The following ZNF791 variants were observed in gnomAD, a reference collection of about 807,000 sequenced individuals.
ZNF791 encodes the protein zinc finger protein 791.
ZNF791 carries 4 observed loss-of-function variants against 11.5 expected under a neutral mutation model. That is an observed-to-expected ratio of 0.35 (90% CI 0.17 to 0.80). The LOEUF (loss-of-function observed/expected upper bound fraction) is 0.80. Ranked by LOEUF, ZNF791 falls within the 30% of genes least tolerant of loss-of-function variation. The pLI is 0.53. For missense variants in ZNF791, 559 were observed against 699.4 expected, an observed-to-expected ratio of 0.80 and a Z score of 2.26; for synonymous variants, 212 against 228.1, an observed-to-expected ratio of 0.93 and a Z score of 0.64.
intron 1 of ZNF791, among the ~76,000 whole-genome samples, chr19:12,619,899 CTTTATTTATTTATTTATTTTTAT>C (rs2023311000): frequency 3.4e-5 from 5 of 148,634 alleles, no homozygotes; most frequent in Middle Eastern, 3.4e-3. Flanking sequence ...TATATGAAAT[CTTTATTTATTTATTTATTTTTAT>C]TTTATTTATT....
At position 12,629,427 on chromosome 19, in the gene ZNF791, T is replaced by C. The variant is rs2023472177; in HGVS notation, c.*167T>C. 1.9e-6 allele frequency: 1 copy of C among 526,806 alleles called. No individual in the cohort carries two copies. The highest frequency in any genetic ancestry group is 4.4e-5 in the South Asian group (1 of 22,742). The allele number at this position is 526,806 out of a possible 1,614,324, so 32.6% of individuals were successfully genotyped here. ...CAGGTACCACATAATCATGTTTCAG[T>C]CAGCAATGGACCATATAGGTTGGTA... On this transcript the variant is annotated 3_prime_UTR_variant, in exon 4 of 4. Transcript: ENST00000343325.
chr19:12,623,639 T>C, intron 1 of ZNF791, 61 bp from the exon 2 acceptor site: 2 of 1,603,190 alleles, frequency 1.2e-6, no homozygotes, highest in South Asian at 1.1e-5. Context: ...TTCTTATGAA[T>C]TGAGGATACC....
At position 12,628,041 on chromosome 19, in the gene ZNF791, A is replaced by G; in HGVS notation, c.512A>G (p.Tyr171Cys). The G allele has an allele frequency of 1.2e-6, 2 of 1,612,986 alleles. No individual in the cohort carries two copies. The highest frequency in any genetic ancestry group is 1.1e-5 in the South Asian group (1 of 90,904). The change falls in exon 4 of 4, where the codon TAT becomes TGT. Residue 171 changes from tyrosine (Y) to cysteine (C), a missense_variant. Physicochemically the swap from Tyr to Cys is radical, Grantham distance 194. Transcript: ENST00000343325. ...KCKQCGKTFI[Y>C]HQPFQRHERT... ...AAACAATGTGGAAAAACCTTCATAT[A>G]TCACCAGCCCTTTCAAAGACATGAG...
rs1051123494 is a variant in ZNF791, at chr19:12,632,483, CTTT to C, written c.*3226_*3228del. On this transcript the variant is annotated 3_prime_UTR_variant, in exon 4 of 4. Coordinates refer to ENST00000343325, the MANE Select transcript of ZNF791 (RefSeq NM_153358.3). ...TTATTTCACCTTTTCCGAAAAACTG[CTTT>C]TTAAATTTCTTGGCCAGACACGGTG... is the stretch of plus-strand genomic sequence containing the variant. 1.9e-4 allele frequency: 29 copies of C among 152,106 alleles called. No individual in the cohort carries two copies. Among genetic ancestry groups the C allele is most frequent in the African/African-American group, 6.7e-4 (28 of 41,504 alleles). 9.4% of individuals were successfully genotyped at this position (152,106 alleles called of 1,614,324 possible). A position where few individuals can be genotyped will look rare whatever the true frequency, so the allele number is the denominator to read the frequency against.
At position 12,628,979 on chromosome 19, in the gene ZNF791, C is replaced by T. The variant is rs1389721011; in HGVS notation, c.1450C>T (p.Arg484Trp). ...GKAFSCSSYI[R>W]IHKRTHTGEK... Reference sequence around the variant, plus strand: ...AGCCTTTAGTTGTTCTAGTTACATTCGGATACATAAAAGAACTCACACTGG... The same window carrying T: ...AGCCTTTAGTTGTTCTAGTTACATTTGGATACATAAAAGAACTCACACTGG... The change falls in exon 4 of 4, where the codon CGG becomes TGG. Residue 484 changes from arginine to tryptophan, a missense_variant. Transcript: ENST00000343325. 2.5e-6 allele frequency: 4 copies of T among 1,613,918 alleles called. No homozygotes were observed. The highest frequency in any genetic ancestry group is 2.2e-5 in the East Asian group (1 of 44,866).
At chr19:12,627,696 T>C in intron 3 of ZNF791, 25 bp from the exon 4 acceptor site, 1 of 1,572,492 alleles carries the variant, frequency 6.4e-7, no homozygotes. Flanking sequence ...ACAACCAGTA[T>C]TACCGTGCTT....
In ZNF791 at chr19:12,629,289, A is replaced by T. The variant is rs79706280; in HGVS notation, c.*29A>T. 6,153 of 1,414,142 alleles carry T rather than the reference A, an allele frequency of 4.4e-3. 181 individuals carry two copies. The East Asian group carries it at 0.069, about 16-fold the overall frequency. 87.6% of individuals were successfully genotyped at this position (1,414,142 alleles called of 1,614,324 possible). A position where few individuals can be genotyped will look rare whatever the true frequency, so the allele number is the denominator to read the frequency against. The stretch of plus-strand genomic sequence containing the variant: ...CTCTATAAATGTGAGAAATAGGAGA[A>T]AGTTTTCAATTCTAACAGATGCTTT... On this transcript the variant is annotated 3_prime_UTR_variant, in exon 4 of 4. Coordinates refer to ENST00000343325, the MANE Select transcript of ZNF791 (RefSeq NM_153358.3).
chr19:12,614,821 C>G (rs2023215566), intron 1 of ZNF791, among the ~76,000 whole-genome samples: 1 of 147,636 alleles, frequency 6.8e-6, no homozygotes, highest in Non-Finnish European at 1.5e-5. Flanking sequence ...CTTGAGCTCC[C>G]CACCTAGGTG....
chr19:12,623,387 A>C, intron 1 of ZNF791: 2 of 300,954 alleles, frequency 6.6e-6, no homozygotes, highest in Non-Finnish European at 1.3e-5. Context: ...CCTAGGTAGC[A>C]GAGCGAGACC....
In ZNF791 at chr19:12,629,495, G is replaced by A. The variant is rs74931289; in HGVS notation, c.*235G>A. 4,848 of 342,720 alleles carry A rather than the reference G, an allele frequency of 0.014. 309 individuals are homozygous for A. The East Asian group carries it at 0.15, about 11-fold the overall frequency. The allele number at this position is 342,720 out of a possible 1,614,324, so 21.2% of individuals were successfully genotyped here. ...AACACCTAAAACATTTCTATCAACC[G>A]CAATTTAGTAGCAGTAGTAACACCA... On this transcript the variant is annotated 3_prime_UTR_variant, in exon 4 of 4. Transcript: ENST00000343325.
At chr19:12,622,041 C>CTGTG (rs938136598) in intron 1 of ZNF791, among the ~76,000 whole-genome samples, 13 of 136,518 alleles carry the variant, frequency 9.5e-5, no homozygotes, top group African/African-American at 3.4e-4. Context: ...TCCTGTTGAT[C>CTGTG]TGTGACCTTA....
chr19:12,611,324 C>T (rs1188123290), intron 1 of ZNF791, among the ~76,000 whole-genome samples: 1 of 152,214 alleles, frequency 6.6e-6, no homozygotes, highest in Non-Finnish European at 1.5e-5. Flanking sequence ...GGGAGAATCC[C>T]GCCTTGTGTG....
intron 1 of ZNF791, among the ~76,000 whole-genome samples, chr19:12,621,831 G>C (rs961274573): frequency 7.2e-6 from 1 of 139,366 alleles, no homozygotes; most frequent in African/African-American, 2.7e-5. Context: ...GCCTCTGCCC[G>C]GCCACCACCC....
In ZNF791 at chr19:12,626,157, C is replaced by T. The variant is rs559603430; in HGVS notation, c.191+1447C>T. Among the ~76,000 whole-genome samples the T allele has an allele frequency of 5.9e-5, 9 of 152,336 alleles. No homozygotes were observed. The South Asian group carries it at 1.0e-3, about 18-fold the overall frequency. On this transcript the variant is annotated intron_variant, in intron 3 of 3. Coordinates refer to ENST00000343325, the MANE Select transcript of ZNF791 (RefSeq NM_153358.3). ...TCCGCCTCCCAGGTAGCTGGGATTACAGGCATGCATCACCATGCCCGGCTA... is the reference window on the plus strand; with the variant it reads ...TCCGCCTCCCAGGTAGCTGGGATTATAGGCATGCATCACCATGCCCGGCTA...
intron 1 of ZNF791, among the ~76,000 whole-genome samples, chr19:12,619,195 G>A (rs1019766890): frequency 2.0e-5 from 3 of 152,042 alleles, no homozygotes; most frequent in Non-Finnish European, 4.4e-5. Context: ...CAGGCTATCC[G>A]TTCCAATGGT....
intron 1 of ZNF791, among the ~76,000 whole-genome samples, chr19:12,618,694 C>T (rs1023887162): frequency 2.7e-5 from 4 of 149,454 alleles, no homozygotes; most frequent in Non-Finnish European, 5.9e-5. Context: ...ACCCGGGAGG[C>T]GGAGGCTGCA....
intron 1 of ZNF791, among the ~76,000 whole-genome samples, chr19:12,615,474 C>T (rs1331893797): frequency 6.6e-6 from 1 of 151,988 alleles, no homozygotes; most frequent in Non-Finnish European, 1.5e-5. Context: ...TATCGTTGAA[C>T]AATATTTCAT....
Position 12,628,970 on chromosome 19 carries a change from A to G in ZNF791, c.1441A>G (p.Ser481Gly). 3 of 1,614,088 alleles carry G rather than the reference A, an allele frequency of 1.9e-6. No homozygotes were observed. The highest frequency in any genetic ancestry group is 1.1e-5 in the South Asian group (1 of 91,034). Residue 481 changes from serine to glycine, a missense_variant, in exon 4 of 4, where the codon AGT (serine) becomes GGT (glycine). Physicochemically the swap from Ser to Gly is moderately conservative, Grantham distance 56. Coordinates refer to ENST00000343325, the MANE Select transcript of ZNF791 (RefSeq NM_153358.3). ...KQCGKAFSCS[S>G]YIRIHKRTHT... is the part of the protein sequence containing the mutation. ...ATGTGGAAAAGCCTTTAGTTGTTCT[A>G]GTTACATTCGGATACATAAAAGAAC...
intron 1 of ZNF791, among the ~76,000 whole-genome samples, 168 bp downstream of exon 1, chr19:12,611,250 G>A (rs144068504): frequency 1.3e-5 from 2 of 152,198 alleles, no homozygotes; most frequent in Admixed American, 1.3e-4. Flanking sequence ...GCCCTCTCTG[G>A]ACAACTCCGC....
Sources: gnomAD v4.1 joint callset for allele counts (sites outside exome capture counted in the v4.1 genomes callset) on GRCh38, gnomAD v4.1.1 for gene constraint, MANE v1.5 for transcripts, NCBI Gene and HGNC (gene_info 2026-07-23, HGNC 2026-07-21) for gene names.